The following THOC2 variants were observed in gnomAD, a reference collection of about 807,000 sequenced individuals.
THOC2 encodes THO complex subunit 2.
Under a neutral mutation model 128.4 loss-of-function variants are expected in THOC2, and 10 were observed. The ratio of observed to expected loss-of-function variants is 0.08; its 90% CI spans 0.05 to 0.13. THOC2 has a LOEUF of 0.13. Ranked by LOEUF, THOC2 falls within the 10% of genes least tolerant of loss-of-function variation. The pLI is 1.00. For missense variants in THOC2, 535 were observed against 1,155.7 expected, an observed-to-expected ratio of 0.46 and a Z score of 7.79; for synonymous variants, 393 against 396.9, an observed-to-expected ratio of 0.99 and a Z score of 0.12.
intron 5 of THOC2, among the ~76,000 whole-genome samples, chrX:123,697,295 T>C (rs2050484057): frequency 8.9e-6 from 1 of 112,201 alleles, no homozygotes; most frequent in Non-Finnish European, 1.9e-5. Context: ...TCATGGCAAG[T>C]TCTAGAATTT....
At chrX:123,614,402 A>G (rs2046812125) in intron 33 of THOC2, among the ~76,000 whole-genome samples, 1 of 111,000 alleles carries the variant, frequency 9.0e-6, no homozygotes, top group African/African-American at 3.3e-5. Flanking sequence ...AAACTCCATC[A>G]GTTCATTTGT....
At chrX:123,675,428 G>A (rs1189976956) in intron 8 of THOC2, among the ~76,000 whole-genome samples, 1 of 110,883 alleles carries the variant, frequency 9.0e-6, no homozygotes, top group Admixed American at 9.7e-5. Flanking sequence ...ATCAACTGAG[G>A]TCAGGAGTTT....
intron 1 of THOC2, among the ~76,000 whole-genome samples, chrX:123,715,875 T>A (rs1047639786): frequency 9.1e-6 from 1 of 110,113 alleles, no homozygotes; most frequent in Admixed American, 9.7e-5. Context: ...GACAAATCTT[T>A]AGCTAGACAT....
At chrX:123,693,389 C>G (rs2050310262) in intron 7 of THOC2, among the ~76,000 whole-genome samples, 1 of 111,947 alleles carries the variant, frequency 8.9e-6, no homozygotes, top group Admixed American at 9.5e-5. Flanking sequence ...TCGTTTGAAC[C>G]TGGGAGGCAG....
At chrX:123,696,293 T>C (rs2050443970) in intron 6 of THOC2, 139 bp from the exon 7 acceptor site, 1 of 429,660 alleles carries the variant, frequency 2.3e-6, no homozygotes, top group African/African-American at 2.5e-5. Flanking sequence ...TTTACCTCTT[T>C]GTGTACCTTT....
At chrX:123,703,031 T>C (rs1476934110) in intron 4 of THOC2, among the ~76,000 whole-genome samples, 1 of 111,757 alleles carries the variant, frequency 8.9e-6, no homozygotes, top group African/African-American at 3.2e-5. Context: ...TTTTGATTAC[T>C]TTGGCTCTTC....
chrX:123,638,764 T>TCA lies in THOC2; in HGVS notation c.1840+168_1840+169dup, dbSNP rs1274889132. Among the ~76,000 whole-genome samples the TCA allele has an allele frequency of 5.0e-5, 5 of 100,610 alleles. No homozygotes were observed. The East Asian group carries it at 1.2e-3, about 24-fold the overall frequency. The allele number at this position is 100,610 out of a possible 115,157, so 87.4% of individuals were successfully genotyped here. On this transcript the variant is annotated intron_variant, in intron 17 of 38. Transcript: ENST00000245838. ...CACACACACACACTCTCTCTCTCTC[T>TCA]CACATACACACACACACACACACAC...
intron 10 of THOC2, 80 bp downstream of exon 10, chrX:123,668,079 A>G (rs2049117549): frequency 2.7e-6 from 2 of 742,504 alleles, no homozygotes; most frequent in Non-Finnish European, 3.7e-6. Context: ...TTATTCTTCC[A>G]TAAATGACTA....
chrX:123,660,029 A>G (rs1374336164), intron 12 of THOC2, among the ~76,000 whole-genome samples: 1 of 112,238 alleles, frequency 8.9e-6, no homozygotes, highest in East Asian at 2.8e-4. Context: ...GATAACTGTA[A>G]GGATTCACTT....
At chrX:123,656,019 G>GAA (rs769477109) in intron 12 of THOC2, among the ~76,000 whole-genome samples, 1 of 102,810 alleles carries the variant, frequency 9.7e-6, no homozygotes, top group Non-Finnish European at 2.0e-5. Context: ...TCTGTCTGGG[G>GAA]AAAAAAAAAA....
intron 33 of THOC2, among the ~76,000 whole-genome samples, chrX:123,617,074 G>A (rs1362660725): frequency 9.0e-6 from 1 of 110,745 alleles, no homozygotes; most frequent in Non-Finnish European, 1.9e-5. Flanking sequence ...ATCAACTTTG[G>A]AGATCACTCA....
At chrX:123,715,981 T>C (rs2051399669) in intron 1 of THOC2, among the ~76,000 whole-genome samples, 2 of 110,755 alleles carry the variant, frequency 1.8e-5, no homozygotes, top group African/African-American at 6.6e-5. Flanking sequence ...AAGAGGCTAC[T>C]ACACCATGAT....
chrX:123,613,971 A>T, intron 34 of THOC2, 81 bp downstream of exon 34: 1 of 940,359 alleles, frequency 1.1e-6, no homozygotes, highest in Non-Finnish European at 1.5e-6. Context: ...GGAACAAACT[A>T]GTATTTTTTA....
chrX:123,669,389 G>A (rs745719644), intron 9 of THOC2, among the ~76,000 whole-genome samples: 7 of 107,127 alleles, frequency 6.5e-5, no homozygotes, highest in Admixed American at 6.1e-4. Context: ...GCACGATCTC[G>A]GCCCACCGCA....
intron 12 of THOC2, among the ~76,000 whole-genome samples, chrX:123,658,388 C>G (rs1036876098): frequency 8.9e-6 from 1 of 111,796 alleles, no homozygotes; most frequent in Admixed American, 9.5e-5. Flanking sequence ...CACACAAAAA[C>G]TTGTACAAAG....
intron 8 of THOC2, among the ~76,000 whole-genome samples, chrX:123,680,314 T>C (rs1603298482): frequency 8.9e-6 from 1 of 111,807 alleles, no homozygotes; most frequent in Non-Finnish European, 1.9e-5. Flanking sequence ...TGTGTATACA[T>C]ATCCAAAGCA....
At chrX:123,684,635 G>A (rs1053076896) in intron 8 of THOC2, among the ~76,000 whole-genome samples, 32 of 111,897 alleles carry the variant, frequency 2.9e-4, no homozygotes, top group African/African-American at 3.9e-4. Flanking sequence ...TGATCTGCCC[G>A]CCTCAGCCTC....
At chrX:123,730,176 G>GT (rs1351203227) in intron 1 of THOC2, among the ~76,000 whole-genome samples, 2 of 92,994 alleles carry the variant, frequency 2.2e-5, no homozygotes, top group African/African-American at 4.1e-5. Flanking sequence ...TTTTGTTTGG[G>GT]TTTTTGTTTT....
chrX:123,713,752 G>A, intron 1 of THOC2, among the ~76,000 whole-genome samples: 1 of 109,114 alleles, frequency 9.2e-6, no homozygotes, highest in Non-Finnish European at 1.9e-5. Flanking sequence ...GGAGGCTGGG[G>A]TGAAAAAATC....
Sources: allele counts gnomAD v4.1 joint callset (sites outside exome capture counted in the v4.1 genomes callset), GRCh38; gene constraint gnomAD v4.1.1; transcripts MANE v1.5; gene names NCBI Gene and HGNC (gene_info 2026-07-23, HGNC 2026-07-21).